Variants in SPTLC2 observed in about 807,000 individuals in gnomAD.
SPTLC2 encodes serine palmitoyltransferase long chain base subunit 2.
A neutral mutation model predicts 62.0 loss-of-function variants in SPTLC2; 21 were observed. The ratio of observed to expected loss-of-function variants is 0.34; its 90% confidence interval spans 0.24 to 0.49. The LOEUF is 0.49. SPTLC2 is among the 20% of genes least tolerant of loss of function. The pLI is 0.99. For missense variants in SPTLC2, 511 were observed against 713.0 expected, an observed-to-expected ratio of 0.72 and a Z score of 3.23; for synonymous variants, 261 against 261.8, an observed-to-expected ratio of 1.00 and a Z score of 0.03.
intron 10 of SPTLC2, among the ~76,000 whole-genome samples, chr14:77,519,788 A>G (rs2079377060): frequency 1.3e-5 from 2 of 152,026 alleles, no homozygotes; most frequent in Non-Finnish European, 2.9e-5. Flanking sequence ...CTTCCTCAAC[A>G]TACCTCCTTT....
chr14:77,595,806 G>A (rs2079843816), intron 2 of SPTLC2, among the ~76,000 whole-genome samples: 1 of 152,030 alleles, frequency 6.6e-6, no homozygotes, highest in South Asian at 2.1e-4. Flanking sequence ...TTCCTCGGAC[G>A]CACAGGAACC....
At chr14:77,580,465 G>A (rs2079742482) in intron 2 of SPTLC2, among the ~76,000 whole-genome samples, 1 of 125,394 alleles carries the variant, frequency 8.0e-6, no homozygotes, top group Admixed American at 1.0e-4. Context: ...GCAACAGAAT[G>A]AGACTCCATA....
intron 8 of SPTLC2, among the ~76,000 whole-genome samples, chr14:77,554,035 A>T (rs913500449): frequency 1.3e-5 from 2 of 152,056 alleles, no homozygotes; most frequent in Admixed American, 6.6e-5. Flanking sequence ...CCCAGCTGGT[A>T]TTGAACTCCT....
rs757228753 is a variant in SPTLC2 at position 77,616,535 on chromosome 14, C to G, written c.45G>C (p.Arg15=). ...PGGCCCRRTV[R]ANGCVANGEV... ...CCCCGTTCGCCACGCAGCCATTCGC[C>G]CGCACCGTGCGGCGGCAGCAGCAGC... The change falls in exon 1 of 12, where the codon CGG becomes CGC. Residue 15 remains arginine (R), a synonymous_variant. Coordinates refer to ENST00000216484, the MANE Select transcript of SPTLC2 (RefSeq NM_004863.4). 2.0e-6 allele frequency: 3 copies of G among 1,535,582 alleles called. No individual in the cohort carries two copies. The South Asian group carries it at 3.6e-5, about 18-fold the overall frequency.
At chr14:77,600,647 TCA>T (rs1224815180) in intron 1 of SPTLC2, among the ~76,000 whole-genome samples, 1 of 152,218 alleles carries the variant, frequency 6.6e-6, no homozygotes, top group East Asian at 1.9e-4. Context: ...ATCAGTCTGT[TCA>T]CAGTCTGTTC....
intron 9 of SPTLC2, among the ~76,000 whole-genome samples, chr14:77,530,767 G>C (rs563287346): frequency 6.6e-6 from 1 of 152,104 alleles, no homozygotes; most frequent in Non-Finnish European, 1.5e-5. Context: ...TTGACTCCCT[G>C]GTTCTTCTGG....
intron 6 of SPTLC2, among the ~76,000 whole-genome samples, chr14:77,560,476 G>A (rs181171485): frequency 5.9e-5 from 9 of 152,112 alleles, no homozygotes; most frequent in Admixed American, 5.2e-4. Context: ...TTGGCCGGGC[G>A]TGGTGGAACA....
chr14:77,605,871 A>G (rs1046902697), intron 1 of SPTLC2, among the ~76,000 whole-genome samples: 5 of 152,062 alleles, frequency 3.3e-5, no homozygotes, highest in Non-Finnish European at 7.4e-5. Context: ...AACGGATCCC[A>G]CTCTTGGGAT....
At chr14:77,568,113 T>C (rs1339448747) in intron 5 of SPTLC2, among the ~76,000 whole-genome samples, 5 of 152,216 alleles carry the variant, frequency 3.3e-5, no homozygotes, top group East Asian at 3.8e-4. Context: ...TACATTTCCA[T>C]CTGAGCATTG....
At chr14:77,546,884 C>G (rs2079531151) in intron 9 of SPTLC2, among the ~76,000 whole-genome samples, 1 of 152,204 alleles carries the variant, frequency 6.6e-6, no homozygotes, top group South Asian at 2.1e-4. Context: ...CATGCGCCAC[C>G]ACGCCCAGCT....
chr14:77,567,796 GTTT>G (rs71452860), intron 5 of SPTLC2, among the ~76,000 whole-genome samples: 84,136 of 148,762 alleles, frequency 0.57, 24,595 homozygotes, highest in East Asian at 0.91. Flanking sequence ...GGTTTAATTT[GTTT>G]TTCTTTTTCT....
At chr14:77,595,542 G>A (rs2079841869) in intron 2 of SPTLC2, among the ~76,000 whole-genome samples, 1 of 152,130 alleles carries the variant, frequency 6.6e-6, no homozygotes, top group Non-Finnish European at 1.5e-5. Flanking sequence ...AACTTGTGCT[G>A]GGGCTCGGAT....
chr14:77,525,225 T>TA (rs1295270260), intron 9 of SPTLC2, among the ~76,000 whole-genome samples: 2 of 151,730 alleles, frequency 1.3e-5, no homozygotes, highest in Non-Finnish European at 2.9e-5. Context: ...TTTGGGGCTG[T>TA]AGTGAGCTAT....
chr14:77,579,179 C>T (rs2079733984), intron 2 of SPTLC2, 70 bp from the exon 3 acceptor site: 1 of 1,512,546 alleles, frequency 6.6e-7, no homozygotes, highest in African/African-American at 1.4e-5. Flanking sequence ...TAACAGATGA[C>T]ATGATCTTTT....
chr14:77,576,638 A>T, intron 4 of SPTLC2, 129 bp downstream of exon 4: 1 of 1,284,108 alleles, frequency 7.8e-7, no homozygotes, highest in South Asian at 1.2e-5. Flanking sequence ...AAAACAAAGC[A>T]TTCTTCACCT....
At chr14:77,613,524 C>T (rs999946912) in intron 1 of SPTLC2, among the ~76,000 whole-genome samples, 4 of 152,230 alleles carry the variant, frequency 2.6e-5, no homozygotes, top group Non-Finnish European at 5.9e-5. Flanking sequence ...CAGCATCTAG[C>T]TCATCAAATT....
intron 9 of SPTLC2, among the ~76,000 whole-genome samples, chr14:77,530,514 A>C (rs897475860): frequency 1.3e-5 from 2 of 152,038 alleles, no homozygotes; most frequent in Non-Finnish European, 2.9e-5. Flanking sequence ...TTTTTAGTAG[A>C]GACAGGGTTT....
intron 9 of SPTLC2, among the ~76,000 whole-genome samples, chr14:77,546,771 T>C (rs913782123): frequency 3.5e-4 from 53 of 152,130 alleles, no homozygotes; most frequent in African/African-American, 1.2e-3. Flanking sequence ...GTTTCGCTCT[T>C]GTTGCCCAGG....
chr14:77,534,212 A>ACG (rs1555373966), intron 9 of SPTLC2, among the ~76,000 whole-genome samples: 2 of 137,634 alleles, frequency 1.5e-5, no homozygotes, highest in African/African-American at 5.2e-5. Context: ...ACACACACAC[A>ACG]CACACACAAA....
Sources: gnomAD v4.1 joint callset for allele counts (sites outside exome capture counted in the v4.1 genomes callset) on GRCh38, gnomAD v4.1.1 for gene constraint, MANE v1.5 for transcripts, NCBI Gene and HGNC (gene_info 2026-07-23, HGNC 2026-07-21) for gene names.